The following LINGO2 variants were observed in gnomAD, a reference collection of about 807,000 sequenced individuals.
The protein encoded by LINGO2 is leucine-rich repeat and immunoglobulin-like domain-containing nogo receptor-interacting protein 2.
Under a neutral mutation model 30.6 loss-of-function variants are expected in LINGO2, and 14 were observed. The observed-to-expected ratio is 0.46, with a 90% CI of 0.30 to 0.72. The LOEUF (loss-of-function observed/expected upper bound fraction) is 0.72, where lower values mean the gene tolerates loss of function less well. Ranked by LOEUF, LINGO2 falls within the 30% of genes least tolerant of loss-of-function variation. The probability of loss-of-function intolerance (pLI) is 0.07; values close to 1 mark genes in which losing one functional copy is unlikely to be tolerated. For synonymous variants in LINGO2, 317 were observed against 288.5 expected (o/e 1.10, Z -1.00); for missense variants, 729 against 751.7 (o/e 0.97, Z 0.35).
chr9:28,032,803 A>G (rs1038607783), intron 4 of LINGO2, among the ~76,000 whole-genome samples: 5 of 152,182 alleles, frequency 3.3e-5, no homozygotes, highest in African/African-American at 7.2e-5. Flanking sequence ...GAAAAGTTCT[A>G]CTTTGGTTTG....
At chr9:28,575,078 C>A (rs865924998) in intron 1 of LINGO2, among the ~76,000 whole-genome samples, 7 of 152,198 alleles carry the variant, frequency 4.6e-5, no homozygotes, top group African/African-American at 1.7e-4. Flanking sequence ...AGCTGGAGAA[C>A]ATAATCCTTC....
intron 4 of LINGO2, among the ~76,000 whole-genome samples, chr9:28,110,223 A>G (rs1826733321): frequency 6.6e-6 from 1 of 152,206 alleles, no homozygotes; most frequent in African/African-American, 2.4e-5. Context: ...CCCCTTCCTT[A>G]CACCTTATAT....
chr9:28,994,949 A>T, the LINGO2 span, among the ~76,000 whole-genome samples: 1 of 152,210 alleles, frequency 6.6e-6, no homozygotes, highest in African/African-American at 2.4e-5. Flanking sequence ...CATTCAGGAC[A>T]TAGGCATGGG....
Position 28,306,677 on chromosome 9 carries a change from G to C in LINGO2, c.-245-11311C>G, listed in dbSNP as rs568266798. ...AAAGGATCAACAAAATTGATAGACC[G>C]CTAGCAAGACTAACAAAGAAGAAAA... On this transcript the variant is annotated intron_variant, in intron 3 of 5. Coordinates refer to ENST00000379992, the Ensembl canonical transcript of LINGO2. Among the ~76,000 whole-genome samples, 24 of 152,134 alleles carry C rather than the reference G, an allele frequency of 1.6e-4. 1 individual carries two copies. The highest frequency in any genetic ancestry group is 9.2e-4 in the Admixed American group (14 of 15,270).
the LINGO2 span, among the ~76,000 whole-genome samples, chr9:28,879,029 GA>G: frequency 2.0e-5 from 3 of 152,246 alleles, no homozygotes; most frequent in South Asian, 2.1e-4. Context: ...ATTCAATTAG[GA>G]AAAGAGGAAG....
chr9:28,662,536 C>T (rs1025174466), intron 1 of LINGO2, among the ~76,000 whole-genome samples: 1 of 152,064 alleles, frequency 6.6e-6, no homozygotes, highest in Non-Finnish European at 1.5e-5. Flanking sequence ...GTCATTGCTG[C>T]CTATATGCTC....
the LINGO2 span, among the ~76,000 whole-genome samples, chr9:29,042,231 C>A: frequency 3.3e-5 from 5 of 151,712 alleles, no homozygotes; most frequent in Non-Finnish European, 5.9e-5. Context: ...CCCTTGTCTA[C>A]GGCCATACCA....
the LINGO2 span, among the ~76,000 whole-genome samples, chr9:29,077,950 G>A: frequency 6.6e-6 from 1 of 151,922 alleles, no homozygotes; most frequent in Non-Finnish European, 1.5e-5. Context: ...ATACTGGAAA[G>A]GAATCTAAAT....
chr9:27,962,187 C>T (rs1474125376), intron 5 of LINGO2, among the ~76,000 whole-genome samples: 8 of 152,168 alleles, frequency 5.3e-5, no homozygotes, highest in South Asian at 2.1e-4. Flanking sequence ...TTTGAATTGA[C>T]GGTAAAGTGC....
chr9:28,991,032 T>G, the LINGO2 span, among the ~76,000 whole-genome samples: 30 of 152,296 alleles, frequency 2.0e-4, no homozygotes, highest in Non-Finnish European at 3.7e-4. Flanking sequence ...TTTGATGAGT[T>G]GAGAGAAGAA....
At chr9:28,278,078 T>C (rs986866296) in intron 4 of LINGO2, among the ~76,000 whole-genome samples, 3 of 152,102 alleles carry the variant, frequency 2.0e-5, no homozygotes, top group Admixed American at 2.0e-4. Flanking sequence ...GGATAGAAGA[T>C]CAAACCAGAC....
chr9:28,095,523 C>G (rs1338970497), intron 4 of LINGO2, among the ~76,000 whole-genome samples: 1 of 151,942 alleles, frequency 6.6e-6, no homozygotes, highest in African/African-American at 2.4e-5. Flanking sequence ...AAAGCTGAAA[C>G]TGGATCCCTT....
At chr9:28,542,366 C>T (rs1821737860) in intron 1 of LINGO2, among the ~76,000 whole-genome samples, 1 of 151,958 alleles carries the variant, frequency 6.6e-6, no homozygotes, top group African/African-American at 2.4e-5. Context: ...GGCAATACAT[C>T]TTCCTATCTA....
intron 5 of LINGO2, among the ~76,000 whole-genome samples, chr9:27,957,713 T>G (rs988334003): frequency 6.6e-6 from 1 of 152,238 alleles, no homozygotes; most frequent in African/African-American, 2.4e-5. Context: ...CCATATAAAT[T>G]TTAGCATCAA....
chr9:28,983,673 T>A, the LINGO2 span, among the ~76,000 whole-genome samples: 1 of 151,978 alleles, frequency 6.6e-6, no homozygotes, highest in Non-Finnish European at 1.5e-5. Flanking sequence ...TAAGTACACA[T>A]CAAACTCCAT....
At chr9:29,004,890 G>A in the LINGO2 span, among the ~76,000 whole-genome samples, 1 of 151,928 alleles carries the variant, frequency 6.6e-6, no homozygotes, top group Non-Finnish European at 1.5e-5. Flanking sequence ...TAATTAATCT[G>A]TATGTGGTTC....
chr9:28,194,513 A>G (rs1333034021), intron 4 of LINGO2, among the ~76,000 whole-genome samples: 1 of 150,218 alleles, frequency 6.7e-6, no homozygotes, highest in Non-Finnish European at 1.5e-5. Context: ...CAATCACTTC[A>G]TCATATTCCT....
chr9:28,206,778 T>A (rs921702602), intron 4 of LINGO2, among the ~76,000 whole-genome samples: 1 of 152,204 alleles, frequency 6.6e-6, no homozygotes, highest in African/African-American at 2.4e-5. Flanking sequence ...AAGGATGTAA[T>A]GTAATCTCTT....
the LINGO2 span, among the ~76,000 whole-genome samples, chr9:28,683,352 T>C: frequency 1.4e-4 from 21 of 152,254 alleles, 2 homozygotes; most frequent in South Asian, 4.4e-3. Context: ...CATACCAATA[T>C]CTACATGGGT....
Sources: allele counts gnomAD v4.1 joint callset (sites outside exome capture counted in the v4.1 genomes callset), GRCh38; gene constraint gnomAD v4.1.1; transcripts MANE v1.5; gene names NCBI Gene and HGNC (gene_info 2026-07-23, HGNC 2026-07-21).